ARL17B: variants seen among roughly 807,000 people sequenced by gnomAD.
The protein encoded by ARL17B is ADP-ribosylation factor-like protein 17.
intron 4 of ARL17B, among the ~76,000 whole-genome samples, chr17:46,279,780 C>A (rs1439541125): frequency 2.6e-5 from 4 of 152,210 alleles, no homozygotes; most frequent in African/African-American, 9.7e-5. Context: ...CAGGCATGAA[C>A]CACCATTCCC....
chr17:46,278,400 T>A (rs572857764), intron 4 of ARL17B, among the ~76,000 whole-genome samples: 4,331 of 141,226 alleles, frequency 0.031, 88 homozygotes, highest in Non-Finnish European at 0.051. Context: ...TGTTTTATTT[T>A]GTTTTTTTTT....
At chr17:46,280,916 A>C (rs1235178832) in intron 4 of ARL17B, among the ~76,000 whole-genome samples, 1 of 152,204 alleles carries the variant, frequency 6.6e-6, no homozygotes, top group Non-Finnish European at 1.5e-5. Context: ...AAGAAAGGGT[A>C]CCCTGAGTCC....
chr17:46,275,953 C>T (rs113548086), intron 4 of ARL17B, among the ~76,000 whole-genome samples: 56 of 152,038 alleles, frequency 3.7e-4, no homozygotes, highest in African/African-American at 1.3e-3. Flanking sequence ...TGCAAAGGCG[C>T]GATCTTGGCT....
intron 3 of ARL17B, among the ~76,000 whole-genome samples, chr17:46,352,259 AAAT>A (rs2052778859): frequency 1.2e-5 from 1 of 81,080 alleles, no homozygotes; most frequent in Non-Finnish European, 2.7e-5. Flanking sequence ...ATAAGTAAAT[AAAT>A]AAAAATAATA....
chr17:46,331,092 C>G (rs199683082), downstream of ARL17B: 5,497 of 715,654 alleles, frequency 7.7e-3, 2,405 homozygotes, highest in Middle Eastern at 0.019. Flanking sequence ...AGAGACAGAT[C>G]GAAAGACTTA....
At chr17:46,281,471 C>G (rs1327255086) in intron 4 of ARL17B, among the ~76,000 whole-genome samples, 3 of 151,952 alleles carry the variant, frequency 2.0e-5, no homozygotes, top group Non-Finnish European at 4.4e-5. Flanking sequence ...CTCACTGCAG[C>G]CTTGAACTCC....
At chr17:46,284,398 T>C (rs1445640805) in intron 4 of ARL17B, among the ~76,000 whole-genome samples, 1 of 152,260 alleles carries the variant, frequency 6.6e-6, no homozygotes, top group African/African-American at 2.4e-5. Flanking sequence ...AGCCCTTAAT[T>C]CATTTAACCC....
intron 4 of ARL17B, among the ~76,000 whole-genome samples, chr17:46,286,565 A>G: frequency 6.6e-6 from 1 of 152,238 alleles, no homozygotes; most frequent in Non-Finnish European, 1.5e-5. Context: ...AATCAAATCT[A>G]CCATTAAACC....
At chr17:46,287,565 T>C (rs1459345467) in intron 4 of ARL17B, among the ~76,000 whole-genome samples, 3 of 152,284 alleles carry the variant, frequency 2.0e-5, no homozygotes, top group African/African-American at 7.2e-5. Context: ...TCTACCAGGT[T>C]TTCTGAATAA....
intron 4 of ARL17B, among the ~76,000 whole-genome samples, chr17:46,280,412 G>A (rs1389437645): frequency 6.6e-6 from 1 of 151,370 alleles, no homozygotes; most frequent in South Asian, 2.1e-4. Flanking sequence ...AGTGGCTCAC[G>A]GCTGTAATCC....
At chr17:46,352,745 GTA>G (rs1303755879) in intron 3 of ARL17B, 73 bp downstream of exon 3, 4 of 409,446 alleles carry the variant, frequency 9.8e-6, no homozygotes, top group South Asian at 8.6e-5. Context: ...GCACCAGAAG[GTA>G]TCACTTCAAG....
chr17:46,282,156 G>A (rs1236509061), intron 4 of ARL17B, among the ~76,000 whole-genome samples: 1 of 151,930 alleles, frequency 6.6e-6, no homozygotes, highest in African/African-American at 2.4e-5. Flanking sequence ...AGGCTGGAGT[G>A]CAGTGGCGCA....
chr17:46,277,708 G>A (rs2049630289), intron 4 of ARL17B, among the ~76,000 whole-genome samples: 2 of 151,098 alleles, frequency 1.3e-5, no homozygotes, highest in Non-Finnish European at 2.9e-5. Flanking sequence ...GTGCAGTGGT[G>A]GGATCTCAGC....
At chr17:46,311,150 A>T (rs2143724348) in intron 3 of ARL17B, 1 of 358,364 alleles carries the variant, frequency 2.8e-6, no homozygotes, top group East Asian at 3.3e-5. Flanking sequence ...AAAAAAAAAA[A>T]AAAAAAAGGA....
chr17:46,286,797 T>G (rs1252629347), intron 4 of ARL17B, among the ~76,000 whole-genome samples: 1 of 152,284 alleles, frequency 6.6e-6, no homozygotes, highest in Non-Finnish European at 1.5e-5. Context: ...TAGAACTCAC[T>G]GTGACTGCAG....
chr17:46,317,134 C>T (rs1204835833), intron 3 of ARL17B, among the ~76,000 whole-genome samples: 1 of 89,136 alleles, frequency 1.1e-5, no homozygotes, highest in African/African-American at 3.0e-5. Context: ...GGGTACACCT[C>T]CCAGATGGGG....
chr17:46,279,055 C>T (rs539695023), intron 4 of ARL17B, among the ~76,000 whole-genome samples: 1 of 152,242 alleles, frequency 6.6e-6, no homozygotes, highest in South Asian at 2.1e-4. Flanking sequence ...GCCTTGGCCT[C>T]CCAAAGTGTT....
rs1483169251 is a variant in ARL17B, at chr17:46,350,379, C to T, written c.259+2441G>A. 3.8e-5 allele frequency among the ~76,000 whole-genome samples: 3 copies of T among 79,658 alleles called. 1 individual carries two copies. Among genetic ancestry groups the T allele is most frequent in the East Asian group, 4.8e-4 (2 of 4,178 alleles). The allele number at this position is 79,658 out of a possible 152,430, so 52.3% of individuals were successfully genotyped here. On this transcript the variant is annotated intron_variant, in intron 3 of 3. Transcript: ENST00000450673. ...TTTAAAAATGTCTAAGTGTGACAAC[C>T]GAACTTCTGTGTTAGGATAGGAAGA...
At chr17:46,282,981 T>A (rs919416698) in intron 4 of ARL17B, among the ~76,000 whole-genome samples, 1 of 152,016 alleles carries the variant, frequency 6.6e-6, no homozygotes, top group African/African-American at 2.4e-5. Flanking sequence ...TAGTCGGGTG[T>A]GATGGCACGT....
Sources: allele counts gnomAD v4.1 joint callset (sites outside exome capture counted in the v4.1 genomes callset), GRCh38; gene constraint gnomAD v4.1.1; transcripts MANE v1.5; gene names NCBI Gene and HGNC (gene_info 2026-07-23, HGNC 2026-07-21).